Variants in FBXL17 observed in about 807,000 individuals in gnomAD.
FBXL17 encodes the protein F-box/LRR-repeat protein 17.
A neutral mutation model predicts 66.2 loss-of-function variants in FBXL17; 22 were observed. The ratio of observed to expected loss-of-function variants is 0.33; its 90% CI spans 0.24 to 0.47. The LOEUF is 0.47. Among genes scored for constraint, FBXL17 ranks in the 20% least tolerant of loss-of-function variants. FBXL17 has a pLI of 1.00. For synonymous variants in FBXL17, 474 were observed against 400.5 expected (o/e 1.18, Z -2.19); for missense variants, 878 against 948.2 (o/e 0.93, Z 0.97).
At chr5:108,058,670 A>C (rs1747808263) in intron 6 of FBXL17, among the ~76,000 whole-genome samples, 1 of 152,052 alleles carries the variant, frequency 6.6e-6, no homozygotes, top group Non-Finnish European at 1.5e-5. Flanking sequence ...ATTTTAGTAA[A>C]GACGGAGTTT....
At chr5:108,375,869 A>G (rs1261703638) in intron 1 of FBXL17, among the ~76,000 whole-genome samples, 3 of 152,218 alleles carry the variant, frequency 2.0e-5, no homozygotes, top group African/African-American at 7.2e-5. Flanking sequence ...AAAATCTTCA[A>G]TAAAATATAA....
At chr5:108,166,341 G>A (rs1325347857) in intron 6 of FBXL17, among the ~76,000 whole-genome samples, 2 of 152,184 alleles carry the variant, frequency 1.3e-5, no homozygotes, top group Non-Finnish European at 2.9e-5. Flanking sequence ...CTAGCAGTTT[G>A]CCCTTAGGCA....
intron 4 of FBXL17, among the ~76,000 whole-genome samples, chr5:108,313,652 A>G (rs1759226579): frequency 6.6e-6 from 1 of 152,022 alleles, no homozygotes; most frequent in African/African-American, 2.4e-5. Flanking sequence ...TTTATATATT[A>G]TGATATTCTA....
intron 7 of FBXL17, among the ~76,000 whole-genome samples, chr5:107,922,011 C>G (rs1750339662): frequency 6.6e-6 from 1 of 152,152 alleles, no homozygotes; most frequent in African/African-American, 2.4e-5. Flanking sequence ...TGCTGGCTTC[C>G]CTACACAAGT....
intron 2 of FBXL17, among the ~76,000 whole-genome samples, chr5:108,366,278 A>G (rs1748657643): frequency 1.3e-5 from 2 of 152,014 alleles, no homozygotes; most frequent in South Asian, 4.1e-4. Flanking sequence ...GCCTCTACAT[A>G]TTCTGTGCCC....
At chr5:108,352,379 T>C (rs1747708181) in intron 3 of FBXL17, among the ~76,000 whole-genome samples, 2 of 152,244 alleles carry the variant, frequency 1.3e-5, no homozygotes, top group African/African-American at 4.8e-5. Context: ...GTTGTATTCA[T>C]CTATGACCCA....
chr5:107,987,776 G>C (rs963939444), intron 7 of FBXL17, among the ~76,000 whole-genome samples: 12 of 152,050 alleles, frequency 7.9e-5, no homozygotes, highest in Non-Finnish European at 1.6e-4. Flanking sequence ...TTGGAAAAGA[G>C]CTTTTGAATA....
At chr5:107,969,414 A>G (rs1204974390) in intron 7 of FBXL17, among the ~76,000 whole-genome samples, 2 of 152,188 alleles carry the variant, frequency 1.3e-5, no homozygotes, top group African/African-American at 4.8e-5. Flanking sequence ...GATACAGCCT[A>G]AACATTTCAA....
chr5:107,894,030 G>A (rs959707546), intron 7 of FBXL17, among the ~76,000 whole-genome samples: 2 of 152,200 alleles, frequency 1.3e-5, no homozygotes, highest in Non-Finnish European at 2.9e-5. Flanking sequence ...ATTAAAAAGA[G>A]TATGTGTGTG....
chr5:108,185,449 C>T (rs1024825940), intron 6 of FBXL17, among the ~76,000 whole-genome samples: 1 of 152,154 alleles, frequency 6.6e-6, no homozygotes, highest in Non-Finnish European at 1.5e-5. Flanking sequence ...TTTTGCCATG[C>T]TTGTCAGTTT....
chr5:107,999,348 T>A (rs1165024386), intron 7 of FBXL17, among the ~76,000 whole-genome samples: 1 of 152,104 alleles, frequency 6.6e-6, no homozygotes, highest in Non-Finnish European at 1.5e-5. Flanking sequence ...CATGCAAGAC[T>A]CTTATGTTTC....
chr5:108,270,747 T>C (rs1757234507), intron 4 of FBXL17, among the ~76,000 whole-genome samples: 1 of 152,138 alleles, frequency 6.6e-6, no homozygotes, highest in Non-Finnish European at 1.5e-5. Flanking sequence ...TTTCTCCTTT[T>C]TACTATTATG....
At chr5:108,209,212 C>T (rs1456502979) in intron 5 of FBXL17, among the ~76,000 whole-genome samples, 1 of 152,134 alleles carries the variant, frequency 6.6e-6, no homozygotes, top group East Asian at 1.9e-4. Flanking sequence ...AGATTTTGGG[C>T]TGAGATGATG....
At chr5:108,254,967 T>C (rs1237429502) in intron 4 of FBXL17, among the ~76,000 whole-genome samples, 1 of 152,200 alleles carries the variant, frequency 6.6e-6, no homozygotes. Context: ...CATACGTATC[T>C]ACGATGCTGG....
At chr5:108,007,480 A>G (rs1189281386) in intron 7 of FBXL17, among the ~76,000 whole-genome samples, 1 of 152,112 alleles carries the variant, frequency 6.6e-6, no homozygotes, top group Non-Finnish European at 1.5e-5. Context: ...CCAAAAATAC[A>G]CTACACAGCT....
intron 6 of FBXL17, among the ~76,000 whole-genome samples, chr5:108,080,579 T>A (rs1748723531): frequency 6.6e-6 from 1 of 152,238 alleles, no homozygotes; most frequent in African/African-American, 2.4e-5. Context: ...TGAAAACATG[T>A]GCCCAAGGTG....
At chr5:107,899,866 G>T (rs1336227187) in intron 7 of FBXL17, among the ~76,000 whole-genome samples, 1 of 152,028 alleles carries the variant, frequency 6.6e-6, no homozygotes, top group African/African-American at 2.4e-5. Flanking sequence ...TCACTATTCA[G>T]GTGATGGGTA....
chr5:107,945,393 C>G (rs1751251219), intron 7 of FBXL17, among the ~76,000 whole-genome samples: 1 of 151,976 alleles, frequency 6.6e-6, no homozygotes, highest in Non-Finnish European at 1.5e-5. Flanking sequence ...TATATTTATT[C>G]TTAGACACAA....
In FBXL17 at chr5:108,327,691, G is replaced by A. The variant is rs1214803344; in HGVS notation, c.1506+20708C>T. Among the ~76,000 whole-genome samples the A allele has an allele frequency of 2.0e-5, 3 of 152,242 alleles. No homozygotes were observed. The East Asian group carries it at 5.8e-4, about 29-fold the overall frequency. The stretch of plus-strand genomic sequence containing the variant: ...AAATTCCCAAGATGAAAGGCTAACT[G>A]AACCTCAAATACATAAAGCAACCAT... On this transcript the variant is annotated intron_variant, in intron 4 of 8. Coordinates refer to ENST00000542267, the MANE Select transcript of FBXL17 (RefSeq NM_001163315.3).
Sources: gnomAD v4.1 joint callset for allele counts (sites outside exome capture counted in the v4.1 genomes callset) on GRCh38, gnomAD v4.1.1 for gene constraint, MANE v1.5 for transcripts, NCBI Gene and HGNC (gene_info 2026-07-23, HGNC 2026-07-21) for gene names.